The following PCDH15 variants were observed in gnomAD, a reference collection of about 807,000 sequenced individuals.
PCDH15 encodes the protein protocadherin related 15, also known as protocadherin-15.
PCDH15 carries 129 observed loss-of-function variants against 178.5 expected under a neutral mutation model. The ratio of observed to expected loss-of-function variants is 0.72; its 90% CI spans 0.63 to 0.84. PCDH15 has a LOEUF of 0.84. Among genes scored for constraint, PCDH15 ranks in the 40% least tolerant of loss-of-function variants. PCDH15 has a pLI of 0.00. For synonymous variants in PCDH15, 800 were observed against 732.0 expected (o/e 1.09, Z -1.50); for missense variants, 2,230 against 2,099.9 (o/e 1.06, Z -1.21).
intron 2 of PCDH15, among the ~76,000 whole-genome samples, chr10:55,446,768 T>TA (rs1839327470): frequency 6.6e-6 from 1 of 152,106 alleles, no homozygotes; most frequent in African/African-American, 2.4e-5. Context: ...GTGAAGAACA[T>TA]ACCTAGCTAA....
chr10:54,157,187 G>C (rs1484999072), intron 13 of PCDH15, among the ~76,000 whole-genome samples: 1 of 152,218 alleles, frequency 6.6e-6, no homozygotes. Context: ...TAGGGACTCT[G>C]TGTGAGGGCT....
intron 1 of PCDH15, among the ~76,000 whole-genome samples, chr10:55,272,528 C>A (rs1423306740): frequency 6.6e-6 from 1 of 151,824 alleles, no homozygotes; most frequent in African/African-American, 2.4e-5. Context: ...CCTACGGACA[C>A]ACACCACCAC....
At chr10:54,280,850 T>G (rs2058660323) in intron 8 of PCDH15, among the ~76,000 whole-genome samples, 2 of 151,882 alleles carry the variant, frequency 1.3e-5, no homozygotes. Context: ...AGGTAGCCAT[T>G]GCAGGCACAG....
chr10:54,107,850 G>T (rs1397413265), intron 15 of PCDH15, among the ~76,000 whole-genome samples: 1 of 152,208 alleles, frequency 6.6e-6, no homozygotes. Context: ...AAACCCAAGA[G>T]AGGAAAAGGA....
intron 14 of PCDH15, among the ~76,000 whole-genome samples, chr10:54,148,439 T>C (rs905301703): frequency 6.6e-6 from 1 of 152,088 alleles, no homozygotes; most frequent in South Asian, 2.1e-4. Flanking sequence ...ACATATAAAA[T>C]ATTAATGCTA....
At chr10:55,528,916 A>T (rs571576196) in intron 2 of PCDH15, among the ~76,000 whole-genome samples, 18 of 152,218 alleles carry the variant, frequency 1.2e-4, no homozygotes, top group Non-Finnish European at 2.4e-4. Context: ...AATGATTGCC[A>T]TTCTAACTGG....
At chr10:55,370,017 A>G (rs75320884) in intron 2 of PCDH15, among the ~76,000 whole-genome samples, 1,575 of 152,200 alleles carry the variant, frequency 0.01, 31 homozygotes, top group African/African-American at 0.036. Flanking sequence ...TGATCACAGA[A>G]AATAACTTGA....
At chr10:54,438,811 G>A (rs1278049474) in intron 3 of PCDH15, among the ~76,000 whole-genome samples, 1 of 152,020 alleles carries the variant, frequency 6.6e-6, no homozygotes, top group African/African-American at 2.4e-5. Flanking sequence ...TTTGGAAGGA[G>A]AACTAAAGCA....
rs570540012 is a variant in PCDH15 at position 55,255,198 on chromosome 10, C to T, written c.-156+64401G>A. 1.3e-3 allele frequency among the ~76,000 whole-genome samples: 196 copies of T among 147,300 alleles called. 3 individuals are homozygous for T. The highest frequency in any genetic ancestry group is 0.012 in the Admixed American group (174 of 14,460). On this transcript the variant is annotated intron_variant, in intron 1 of 5. Coordinates refer to the PCDH15 transcript ENST00000458638. ...ATTCCCACCTATGAGTTAGAACATG[C>T]GGTGTTTGGTTTTTTGTCCTTGTGA...
intron 3 of PCDH15, among the ~76,000 whole-genome samples, chr10:54,881,951 T>C (rs529881570): frequency 1.3e-5 from 2 of 152,154 alleles, no homozygotes; most frequent in Non-Finnish European, 2.9e-5. Context: ...TTTGAAAATA[T>C]CAGTATTGCC....
chr10:54,223,867 A>G (rs540414959), intron 9 of PCDH15, among the ~76,000 whole-genome samples: 1 of 152,154 alleles, frequency 6.6e-6, no homozygotes, highest in Non-Finnish European at 1.5e-5. Flanking sequence ...GAATTCTGGA[A>G]GAAAACAAAG....
intron 2 of PCDH15, among the ~76,000 whole-genome samples, chr10:55,574,282 T>C (rs1046869797): frequency 6.6e-6 from 1 of 152,028 alleles, no homozygotes; most frequent in African/African-American, 2.4e-5. Context: ...CGTAGGTTTC[T>C]CTGAATGAAC....
intron 2 of PCDH15, among the ~76,000 whole-genome samples, chr10:55,358,915 T>C (rs563873355): frequency 1.3e-5 from 2 of 152,250 alleles, no homozygotes; most frequent in South Asian, 2.1e-4. Flanking sequence ...TTAAGGACCA[T>C]GCATGATGGC....
At chr10:55,120,430 C>T (rs184712362) in intron 2 of PCDH15, among the ~76,000 whole-genome samples, 16 of 152,098 alleles carry the variant, frequency 1.1e-4, no homozygotes, top group Admixed American at 3.9e-4. Flanking sequence ...AGTCCCAATT[C>T]CTTGGGACTA....
At chr10:54,269,951 T>A (rs1299017784) in intron 8 of PCDH15, among the ~76,000 whole-genome samples, 1 of 152,056 alleles carries the variant, frequency 6.6e-6, no homozygotes, top group Non-Finnish European at 1.5e-5. Context: ...ATTATGCCCA[T>A]AATTATACCC....
intron 14 of PCDH15, among the ~76,000 whole-genome samples, chr10:54,140,712 T>A (rs2043322770): frequency 6.6e-6 from 1 of 150,868 alleles, no homozygotes; most frequent in East Asian, 2.0e-4. Flanking sequence ...CGTGATCCAC[T>A]CTCCGTTGTC....
intron 1 of PCDH15, among the ~76,000 whole-genome samples, chr10:54,686,930 A>G (rs1019510349): frequency 2.1e-5 from 3 of 144,258 alleles, no homozygotes; most frequent in African/African-American, 7.4e-5. Flanking sequence ...CCTGTAACTC[A>G]ATAAAGCATG....
At chr10:55,380,566 T>C (rs1837508889) in intron 2 of PCDH15, among the ~76,000 whole-genome samples, 1 of 152,136 alleles carries the variant, frequency 6.6e-6, no homozygotes, top group South Asian at 2.1e-4. Context: ...TTAGAAGAAT[T>C]TGCTAGTGGC....
chr10:54,128,677 AGTATT>A (rs1363499328), intron 15 of PCDH15, among the ~76,000 whole-genome samples: 1 of 152,086 alleles, frequency 6.6e-6, no homozygotes, highest in African/African-American at 2.4e-5. Flanking sequence ...GATTTTTTGG[AGTATT>A]GTACTCAGAA....
Sources: gnomAD v4.1 joint callset for allele counts (sites outside exome capture counted in the v4.1 genomes callset) on GRCh38, gnomAD v4.1.1 for gene constraint, MANE v1.5 for transcripts, NCBI Gene and HGNC (gene_info 2026-07-23, HGNC 2026-07-21) for gene names.